PCNX2: variants seen among roughly 807,000 people sequenced by gnomAD.
The protein encoded by PCNX2 is pecanex 2.
Under a neutral mutation model 223.8 loss-of-function variants are expected in PCNX2, and 168 were observed. The ratio of observed to expected loss-of-function variants is 0.75; its 90% CI spans 0.66 to 0.85. The LOEUF (loss-of-function observed/expected upper bound fraction) is 0.85. Among genes scored for constraint, PCNX2 ranks in the 40% least tolerant of loss-of-function variants. The pLI, the probability that PCNX2 is intolerant of heterozygous loss-of-function variation, is 0.00. For missense variants in PCNX2, 2,507 were observed against 2,675.5 expected (o/e 0.94, Z 1.39); for synonymous variants, 1,006 against 1,052.6 (o/e 0.96, Z 0.86).
intron 4 of PCNX2, chr1:233,259,812 A>G (rs1254291958): frequency 1.1e-6 from 1 of 882,122 alleles, no homozygotes; most frequent in East Asian, 1.2e-4. Flanking sequence ...TTACGGCTGC[A>G]TTGATACTTA....
At chr1:233,061,138 G>A (rs1377084762) in intron 23 of PCNX2, among the ~76,000 whole-genome samples, 3 of 152,216 alleles carry the variant, frequency 2.0e-5, no homozygotes, top group Non-Finnish European at 4.4e-5. Context: ...GCCGGAGTGA[G>A]AAGTTTGGTG....
Position 233,258,885 on chromosome 1 carries a change from G to C in PCNX2, c.977C>G (p.Pro326Arg). ...ATCTACCTGACAGGATGTGTCTGCT[G>C]GCTCCTCCACAGGCTTGGCCACGAT... ...DTIVAKPVEE[P>R]ADTSCQVDTS... is the part of the protein sequence containing the mutation. The change falls in exon 5 of 34, where the codon CCA becomes CGA. Residue 326 changes from proline to arginine, a missense_variant. Around this residue, in one of 3 missense-constraint regions of PCNX2, gnomAD observed 1,031 missense variants for 1,021.7 expected, o/e 1.01. Transcript: ENST00000258229. 1 of 1,613,880 alleles carries C rather than the reference G, an allele frequency of 6.2e-7. No individual in the cohort carries two copies. Among genetic ancestry groups the C allele is most frequent in the Non-Finnish European group, 8.5e-7 (1 of 1,179,870 alleles).
intron 28 of PCNX2, among the ~76,000 whole-genome samples, chr1:233,013,467 A>G (rs1670543740): frequency 6.6e-6 from 1 of 152,168 alleles, no homozygotes; most frequent in Non-Finnish European, 1.5e-5. Flanking sequence ...GGACATTTGG[A>G]AACACAGTCA....
At chr1:233,002,044 G>C (rs1448769009) in intron 28 of PCNX2, among the ~76,000 whole-genome samples, 1 of 152,148 alleles carries the variant, frequency 6.6e-6, no homozygotes, top group African/African-American at 2.4e-5. Context: ...GAGACGACCA[G>C]CTCCCCAGAG....
At chr1:233,228,069 G>C (rs1481958057) in intron 9 of PCNX2, among the ~76,000 whole-genome samples, 1 of 152,190 alleles carries the variant, frequency 6.6e-6, no homozygotes, top group African/African-American at 2.4e-5. Flanking sequence ...GGAACACGCA[G>C]TTTTCCATGT....
chr1:233,277,922 A>G lies in PCNX2; in HGVS notation c.154-14759T>C, dbSNP rs73093218. Among the ~76,000 whole-genome samples the G allele has an allele frequency of 5.2e-3, 795 of 152,336 alleles. 6 individuals carry two copies. The highest frequency in any genetic ancestry group is 0.018 in the African/African-American group (743 of 41,564). On this transcript the variant is annotated intron_variant, in intron 1 of 33. Transcript: ENST00000258229. ...GAACACCAAGAAGCAATGAATGACTACTGAAAGATGAGGAAAGCCTGGATA... is the reference window on the plus strand; with the variant it reads ...GAACACCAAGAAGCAATGAATGACTGCTGAAAGATGAGGAAAGCCTGGATA...
chr1:233,326,100 A>G, the PCNX2 span, among the ~76,000 whole-genome samples: 3 of 152,204 alleles, frequency 2.0e-5, no homozygotes, highest in African/African-American at 7.2e-5. Flanking sequence ...AGCACATTTT[A>G]CCTATAAAGT....
chr1:233,086,994 A>G, intron 23 of PCNX2: 4 of 981,624 alleles, frequency 4.1e-6, no homozygotes, highest in Non-Finnish European at 4.8e-6. Flanking sequence ...AGGCTAGGGT[A>G]AAAAGGCAGA....
At chr1:233,251,937 A>G (rs1659477345) in intron 7 of PCNX2, among the ~76,000 whole-genome samples, 1 of 152,282 alleles carries the variant, frequency 6.6e-6, no homozygotes, top group African/African-American at 2.4e-5. Context: ...TCCAACAAAT[A>G]TTTAGTAAGT....
intron 21 of PCNX2, among the ~76,000 whole-genome samples, chr1:233,100,140 C>T (rs559217318): frequency 2.6e-5 from 4 of 152,176 alleles, no homozygotes; most frequent in Admixed American, 6.5e-5. Flanking sequence ...GGGCCGGGCG[C>T]GGGGGCTCAC....
At chr1:233,133,833 C>A (rs367559095) in intron 21 of PCNX2, among the ~76,000 whole-genome samples, 44 of 152,262 alleles carry the variant, frequency 2.9e-4, no homozygotes, top group African/African-American at 1.0e-3. Flanking sequence ...GCACTCCAGC[C>A]TGTGAGTGGC....
intron 33 of PCNX2, 57 bp from the exon 34 acceptor site, chr1:232,984,534 C>G: frequency 1.3e-6 from 2 of 1,555,488 alleles, no homozygotes; most frequent in Non-Finnish European, 1.7e-6. Flanking sequence ...CTACCCACTT[C>G]TAACTGGCAT....
intron 27 of PCNX2, among the ~76,000 whole-genome samples, chr1:233,015,469 C>T (rs939975268): frequency 3.3e-5 from 5 of 152,074 alleles, no homozygotes; most frequent in East Asian, 1.9e-4. Context: ...GAGGCCGAGG[C>T]GGACAGATCA....
At chr1:233,289,430 G>C in intron 1 of PCNX2, 1 of 1,413,676 alleles carries the variant, frequency 7.1e-7, no homozygotes. Context: ...TCACGATCTT[G>C]GCGCTCGTAC....
rs905472593 is a variant in PCNX2, at chr1:233,089,882, T to A, written c.4076+179A>T. ...TGAAATCAGTCATGTTCTTTCCAGA[T>A]CCCTGAGACCCAAGAGCTGAGTCAA... On this transcript the variant is annotated intron_variant, in intron 23 of 33. Transcript: ENST00000258229. 30 of 1,387,114 alleles carry A rather than the reference T, an allele frequency of 2.2e-5. No homozygotes were observed. In the African/African-American group the frequency reaches 4.3e-4, roughly 20 times the overall value. 85.9% of individuals were successfully genotyped at this position (1,387,114 alleles called of 1,614,324 possible).
chr1:233,000,483 G>T lies in PCNX2; in HGVS notation c.5150C>A (p.Ala1717Asp), dbSNP rs1477105230. ...CACCTTCTTCTCGAAGGACTGGATGGCCTCGTAGAGGACTGCTGGGTCTTC... is the reference window on the plus strand; with the variant it reads ...CACCTTCTTCTCGAAGGACTGGATGTCCTCGTAGAGGACTGCTGGGTCTTC... ...EYEDPAVLYE[A>D]IQSFEKKVVI... The change falls in exon 30 of 34, where the codon GCC (alanine) becomes GAC (aspartate). Residue 1717 changes from alanine to aspartate, a missense_variant. Physicochemically the swap from Ala to Asp is moderately radical, Grantham distance 126 (BLOSUM62 -2). Transcript: ENST00000258229. This position sits in a 1 kb window ranked among gnomAD's most constrained non-coding sequence, Gnocchi z 4.6. 6.2e-7 allele frequency: 1 copy of T among 1,600,704 alleles called. No homozygotes were observed. The highest frequency in any genetic ancestry group is 8.5e-7 in the Non-Finnish European group (1 of 1,174,612).
At chr1:233,235,108 C>T (rs183360082) in intron 9 of PCNX2, among the ~76,000 whole-genome samples, 21 of 152,130 alleles carry the variant, frequency 1.4e-4, no homozygotes, top group Admixed American at 2.0e-4. Flanking sequence ...TCCACTTCCA[C>T]CCACAGGTTT....
At chr1:233,245,176 C>CA (rs1659034655) in intron 8 of PCNX2, among the ~76,000 whole-genome samples, 1 of 152,224 alleles carries the variant, frequency 6.6e-6, no homozygotes, top group Non-Finnish European at 1.5e-5. Flanking sequence ...TTTAATCCCA[C>CA]ATTTATTGAG....
intron 25 of PCNX2, among the ~76,000 whole-genome samples, chr1:233,031,590 C>G (rs1408197139): frequency 6.6e-6 from 1 of 152,124 alleles, no homozygotes; most frequent in East Asian, 1.9e-4. Flanking sequence ...TTGAAAACTA[C>G]AACCTTCAAA....
Sources: gnomAD v4.1 joint callset for allele counts (sites outside exome capture counted in the v4.1 genomes callset) on GRCh38, gnomAD v4.1.1 for gene constraint, gnomAD v4.1.1 regional missense constraint, Gnocchi (gnomAD v3.1) non-coding constraint, MANE v1.5 for transcripts, NCBI Gene and HGNC (gene_info 2026-07-23, HGNC 2026-07-21) for gene names.